Variants in SMG6 observed in about 807,000 individuals in gnomAD.
The protein encoded by SMG6 is telomerase-binding protein EST1A.
Under a neutral mutation model 142.2 loss-of-function variants are expected in SMG6, and 66 were observed. The observed-to-expected ratio is 0.46, with a 90% CI of 0.38 to 0.57. The LOEUF is 0.57. Among genes scored for constraint, SMG6 ranks in the 20% least tolerant of loss-of-function variants. The pLI is 0.00. For synonymous variants in SMG6, 779 were observed against 702.4 expected (o/e 1.11, Z -1.72); for missense variants, 1,793 against 1,832.0 (o/e 0.98, Z 0.39).
intron 10 of SMG6, among the ~76,000 whole-genome samples, chr17:2,224,057 A>C (rs1157591928): frequency 6.6e-6 from 1 of 152,266 alleles, no homozygotes; most frequent in Non-Finnish European, 1.5e-5. Flanking sequence ...ATTCTGAAAA[A>C]AAGAGTATGT....
At chr17:2,198,950 TA>T (rs55660022) in intron 10 of SMG6, among the ~76,000 whole-genome samples, 1,617 of 101,968 alleles carry the variant, frequency 0.016, 25 homozygotes, top group Admixed American at 0.043. Context: ...AAAATAAAAT[TA>T]AAAAAAAAAA....
At chr17:2,065,791 C>T in intron 16 of SMG6, 112 bp from the exon 17 acceptor site, 1 of 896,088 alleles carries the variant, frequency 1.1e-6, no homozygotes, top group Non-Finnish European at 1.7e-6. Flanking sequence ...TCCATCCTTC[C>T]CCCACAGGAG....
At chr17:2,161,232 G>A (rs1011938957) in intron 13 of SMG6, among the ~76,000 whole-genome samples, 3 of 151,336 alleles carry the variant, frequency 2.0e-5, no homozygotes, top group Non-Finnish European at 4.4e-5. Flanking sequence ...AGCCTCCCGA[G>A]TAGCTGGGAT....
At chr17:2,200,707 T>A (rs1415794107) in intron 10 of SMG6, among the ~76,000 whole-genome samples, 1 of 152,098 alleles carries the variant, frequency 6.6e-6, no homozygotes, top group Non-Finnish European at 1.5e-5. Context: ...CAATTTAATT[T>A]AATTTTATTT....
At chr17:2,297,010 G>GA (rs374673133) in intron 4 of SMG6, among the ~76,000 whole-genome samples, 937 of 60,904 alleles carry the variant, frequency 0.015, 7 homozygotes, top group Middle Eastern at 0.037. Flanking sequence ...CTCAAAAAAT[G>GA]AAAAAAAAAA....
intron 13 of SMG6, among the ~76,000 whole-genome samples, chr17:2,094,381 G>C (rs191320597): frequency 6.6e-6 from 1 of 152,182 alleles, no homozygotes; most frequent in Non-Finnish European, 1.5e-5. Context: ...TGGGGCTACA[G>C]GCACGTGCCA....
chr17:2,233,815 A>G (rs1412469317), intron 10 of SMG6, among the ~76,000 whole-genome samples: 1 of 152,018 alleles, frequency 6.6e-6, no homozygotes, highest in Non-Finnish European at 1.5e-5. Context: ...CCTGCCGAGC[A>G]CTCTGCTCGC....
At chr17:2,178,149 G>A (rs951384078) in intron 12 of SMG6, among the ~76,000 whole-genome samples, 4 of 152,202 alleles carry the variant, frequency 2.6e-5, no homozygotes, top group Admixed American at 1.3e-4. Context: ...GTTTGCATTG[G>A]GCGAAGGATT....
chr17:2,195,735 G>A (rs2072304637), intron 10 of SMG6, among the ~76,000 whole-genome samples: 1 of 149,266 alleles, frequency 6.7e-6, no homozygotes, highest in Non-Finnish European at 1.5e-5. Context: ...AGGATTGCCT[G>A]AGTATTATTC....
intron 8 of SMG6, among the ~76,000 whole-genome samples, chr17:2,272,735 G>A (rs887221830): frequency 7.2e-5 from 11 of 151,944 alleles, no homozygotes; most frequent in Admixed American, 5.9e-4. Context: ...TCAAGAAATC[G>A]AGACCATCTT....
chr17:2,161,836 A>T (rs2071188705), intron 13 of SMG6, among the ~76,000 whole-genome samples: 1 of 152,232 alleles, frequency 6.6e-6, no homozygotes, highest in Non-Finnish European at 1.5e-5. Flanking sequence ...AAAGATGCTG[A>T]TAAATTCAGT....
rs758248009 is a variant in SMG6, at chr17:2,081,793, C to T, written c.3681+17G>A. 8.7e-6 allele frequency: 14 copies of T among 1,611,694 alleles called. No individual in the cohort carries two copies. The highest frequency in any genetic ancestry group is 1.2e-5 in the Non-Finnish European group (14 of 1,179,920). Reference sequence around the variant, plus strand: ...CAACCCCCATAGTGGGAACCACGCTCCCCAGGCCGACTTCACCTGGATCTT... The same window carrying T: ...CAACCCCCATAGTGGGAACCACGCTTCCCAGGCCGACTTCACCTGGATCTT... On this transcript the variant is annotated intron_variant, in intron 15 of 18. Transcript: ENST00000263073.
Position 2,275,848 on chromosome 17 carries a change from G to A in SMG6, c.2661+6799C>T, listed in dbSNP as rs554209136. ...GTTGAGGCTGGCAATCCCTCCCCAG[G>A]CTGGATGTTCAACCCAAACCACATC... On this transcript the variant is annotated intron_variant, in intron 8 of 18. Transcript: ENST00000263073. Among the ~76,000 whole-genome samples, 83 of 152,202 alleles carry A rather than the reference G, an allele frequency of 5.5e-4. 1 individual carries two copies. Among genetic ancestry groups the A allele is most frequent in the African/African-American group, 2.0e-3 (81 of 41,520 alleles).
intron 9 of SMG6, among the ~76,000 whole-genome samples, chr17:2,243,624 AGAGTC>A (rs2073862983): frequency 6.6e-6 from 1 of 152,150 alleles, no homozygotes; most frequent in Admixed American, 6.6e-5. Context: ...GAGGTTGCAG[AGAGTC>A]GAGTCATGCC....
intron 8 of SMG6, among the ~76,000 whole-genome samples, chr17:2,265,281 AG>A (rs2074396697): frequency 1.3e-5 from 2 of 152,162 alleles, no homozygotes; most frequent in African/African-American, 4.8e-5. Flanking sequence ...GCACTTTGGG[AG>A]GCTGACCACC....
At chr17:2,141,872 T>C (rs2070491550) in intron 13 of SMG6, among the ~76,000 whole-genome samples, 1 of 152,244 alleles carries the variant, frequency 6.6e-6, no homozygotes, top group Non-Finnish European at 1.5e-5. Context: ...TGATGTCTTC[T>C]AAGGAAGCTT....
intron 13 of SMG6, chr17:2,087,205 G>A: frequency 7.7e-7 from 1 of 1,290,388 alleles, no homozygotes; most frequent in Admixed American, 2.3e-5. Context: ...AGGACAAGCT[G>A]TGCACACAGT....
At chr17:2,082,172 G>C in intron 14 of SMG6, 1 of 557,270 alleles carries the variant, frequency 1.8e-6, no homozygotes, top group Non-Finnish European at 3.2e-6. Flanking sequence ...TTATACTCTG[G>C]GGCTTTTCCC....
intron 12 of SMG6, among the ~76,000 whole-genome samples, chr17:2,174,325 T>A (rs1046637513): frequency 6.6e-6 from 1 of 152,162 alleles, no homozygotes; most frequent in African/African-American, 2.4e-5. Context: ...CTAAGCAATT[T>A]GTTTCTCCTG....
Sources: allele counts gnomAD v4.1 joint callset (sites outside exome capture counted in the v4.1 genomes callset), GRCh38; gene constraint gnomAD v4.1.1; transcripts MANE v1.5; gene names NCBI Gene and HGNC (gene_info 2026-07-23, HGNC 2026-07-21).